SGSM1: variants seen among roughly 807,000 people sequenced by gnomAD.
The protein encoded by SGSM1 is small G protein signaling modulator 1.
A neutral mutation model predicts 133.8 loss-of-function variants in SGSM1; 73 were observed. The observed-to-expected ratio is 0.55, with a 90% CI of 0.45 to 0.66. SGSM1 has a LOEUF of 0.66. SGSM1 is among the 30% of genes least tolerant of loss of function. The pLI, the probability that SGSM1 is intolerant of heterozygous loss-of-function variation, is 0.00. For missense variants in SGSM1, 1,213 were observed against 1,448.1 expected, an observed-to-expected ratio of 0.84 and a Z score of 2.64; for synonymous variants, 563 against 573.0, an observed-to-expected ratio of 0.98 and a Z score of 0.25.
chr22:24,820,867 C>G (rs1928427854), intron 2 of SGSM1, among the ~76,000 whole-genome samples: 1 of 152,140 alleles, frequency 6.6e-6, no homozygotes, highest in Non-Finnish European at 1.5e-5. Flanking sequence ...ACCGTGCAAA[C>G]AGATGAAGAA....
Position 24,806,236 on chromosome 22 carries a change from G to A in SGSM1, c.-90G>A, listed in dbSNP as rs1927362944. On this transcript the variant is annotated 5_prime_UTR_variant, in exon 1 of 25. Coordinates refer to ENST00000400358, the MANE Select transcript of SGSM1 (RefSeq NM_001098497.3). ...ACTCAGCGCTCGGCCCCGCCCCGCC[G>A]CGGCTGCAGCAGCAGCGCCGCGGCC... is the stretch of plus-strand genomic sequence containing the variant. The A allele has an allele frequency of 3.1e-6, 4 of 1,296,450 alleles. No individual in the cohort carries two copies. The highest frequency in any genetic ancestry group is 3.9e-6 in the Non-Finnish European group (4 of 1,028,168). 80.3% of individuals were successfully genotyped at this position (1,296,450 alleles called of 1,614,324 possible). A position where few individuals can be genotyped will look rare whatever the true frequency, so the allele number is the denominator to read the frequency against.
intron 21 of SGSM1, among the ~76,000 whole-genome samples, chr22:24,907,667 G>A (rs1933442935): frequency 6.6e-6 from 1 of 151,974 alleles, no homozygotes; most frequent in South Asian, 2.1e-4. Flanking sequence ...TCTCACGCCT[G>A]TAATCCCAGC....
intron 12 of SGSM1, among the ~76,000 whole-genome samples, chr22:24,876,351 C>G (rs1312422374): frequency 6.6e-6 from 1 of 152,184 alleles, no homozygotes; most frequent in Non-Finnish European, 1.5e-5. Context: ...CTCTTCTTCT[C>G]TCTTTGGCTG....
intron 12 of SGSM1, among the ~76,000 whole-genome samples, chr22:24,872,194 G>GGGAGATAT (rs200405738): frequency 0.012 from 1,753 of 152,314 alleles, 17 homozygotes; most frequent in African/African-American, 0.04. Context: ...CCTGTGGGAG[G>GGGAGATAT]GGAGATATGA....
chr22:24,868,990 T>G, intron 12 of SGSM1, 135 bp downstream of exon 12: 2 of 1,337,874 alleles, frequency 1.5e-6, no homozygotes, highest in Non-Finnish European at 2.0e-6. Context: ...GAAAGTCGGT[T>G]TCTTGGCAGC....
intron 21 of SGSM1, among the ~76,000 whole-genome samples, chr22:24,908,863 T>G (rs1421608297): frequency 6.7e-6 from 1 of 149,680 alleles, no homozygotes; most frequent in Non-Finnish European, 1.5e-5. Flanking sequence ...GAATAGACAT[T>G]TCTCAATAGA....
In SGSM1 at chr22:24,850,969, C is replaced by T. The variant is rs556373875; in HGVS notation, c.455+537C>T. The stretch of plus-strand genomic sequence containing the variant: ...AAACAAAATTAGCCGGGCGTGGTGG[C>T]AGGTGTCTGTAGCTCCAGCTACTCA... On this transcript the variant is annotated intron_variant, in intron 5 of 24. Coordinates refer to ENST00000400358, the MANE Select transcript of SGSM1 (RefSeq NM_001098497.3). Among the ~76,000 whole-genome samples, 894 of 152,068 alleles carry T rather than the reference C, an allele frequency of 5.9e-3. 5 individuals are homozygous for T. Among genetic ancestry groups the T allele is most frequent in the Non-Finnish European group, 9.2e-3 (623 of 67,978 alleles).
At chr22:24,861,688 C>T (rs1439999890) in intron 9 of SGSM1, among the ~76,000 whole-genome samples, 1 of 151,786 alleles carries the variant, frequency 6.6e-6, no homozygotes. Context: ...GCTGGGATTA[C>T]AGGGACTTGC....
chr22:24,847,570 G>A, intron 3 of SGSM1, 64 bp from the exon 4 acceptor site: 7 of 1,562,072 alleles, frequency 4.5e-6, no homozygotes, highest in Non-Finnish European at 6.1e-6. Context: ...CAGAAGCTCT[G>A]GGACATGCTG....
intron 20 of SGSM1, among the ~76,000 whole-genome samples, chr22:24,903,981 G>GA (rs200526574): frequency 0.039 from 2,415 of 61,794 alleles, 75 homozygotes; most frequent in African/African-American, 0.089. Flanking sequence ...TCAACAAAAA[G>GA]AAAAAAAAAA....
chr22:24,806,627 T>A, intron 2 of SGSM1, 143 bp downstream of exon 2: 2 of 991,988 alleles, frequency 2.0e-6, no homozygotes, highest in Non-Finnish European at 2.8e-6. Flanking sequence ...GGCATTGACC[T>A]CCCGCAGGGC....
chr22:24,842,700 T>C (rs1929875703), intron 2 of SGSM1, among the ~76,000 whole-genome samples: 3 of 152,122 alleles, frequency 2.0e-5, no homozygotes, highest in Admixed American at 1.3e-4. Flanking sequence ...AGCAGGGGAA[T>C]TTGATGTCCT....
chr22:24,813,271 C>T (rs5752003), intron 2 of SGSM1, among the ~76,000 whole-genome samples: 1 of 152,104 alleles, frequency 6.6e-6, no homozygotes, highest in African/African-American at 2.4e-5. Context: ...CCTTGTCCAT[C>T]GAAGGCATCG....
At chr22:24,828,057 C>T (rs897500880) in intron 2 of SGSM1, among the ~76,000 whole-genome samples, 1 of 152,046 alleles carries the variant, frequency 6.6e-6, no homozygotes, top group Admixed American at 6.6e-5. Context: ...GTGATTGGTG[C>T]AGTCTTGGCA....
chr22:24,920,478 G>A (rs538448559), intron 24 of SGSM1, among the ~76,000 whole-genome samples: 48 of 152,256 alleles, frequency 3.2e-4, no homozygotes, highest in Middle Eastern at 3.4e-3. Context: ...GTGACTTCAC[G>A]TCTCTAGGCC....
At chr22:24,891,873 C>A (rs1265988062) in intron 16 of SGSM1, among the ~76,000 whole-genome samples, 1 of 152,026 alleles carries the variant, frequency 6.6e-6, no homozygotes, top group Non-Finnish European at 1.5e-5. Context: ...GAAGACAGCA[C>A]AGGCAGAGGT....
chr22:24,809,172 C>T (rs1394327067), intron 2 of SGSM1, among the ~76,000 whole-genome samples: 3 of 152,158 alleles, frequency 2.0e-5, no homozygotes. Context: ...CCTTTCCTTC[C>T]TTTGCTTACC....
chr22:24,917,518 C>A (rs1223035219), intron 22 of SGSM1, 140 bp from the exon 23 acceptor site: 2 of 565,356 alleles, frequency 3.5e-6, no homozygotes, highest in South Asian at 2.7e-5. Flanking sequence ...CTATTCAGAT[C>A]TTTTCCCATT....
In SGSM1 at chr22:24,876,765, G is replaced by A. The variant is rs1932048143; in HGVS notation, c.1430+50G>A. ...GGAGAGAGCTGAAGGATGTACCAGAGATCTGTAGATGCCCATGTCTTACCC... is the reference window on the plus strand; with the variant it reads ...GGAGAGAGCTGAAGGATGTACCAGAAATCTGTAGATGCCCATGTCTTACCC... On this transcript the variant is annotated intron_variant, in intron 13 of 24. Coordinates refer to ENST00000400358, the MANE Select transcript of SGSM1 (RefSeq NM_001098497.3). The A allele has an allele frequency of 1.9e-6, 3 of 1,610,534 alleles. No homozygotes were observed. In the East Asian group the frequency reaches 6.7e-5, roughly 36 times the overall value.
Sources: allele counts gnomAD v4.1 joint callset (sites outside exome capture counted in the v4.1 genomes callset), GRCh38; gene constraint gnomAD v4.1.1; transcripts MANE v1.5; gene names NCBI Gene and HGNC (gene_info 2026-07-23, HGNC 2026-07-21).